LMO7: variants seen among roughly 807,000 people sequenced by gnomAD.
LMO7 encodes LIM domain only protein 7.
Under a neutral mutation model 206.5 loss-of-function variants are expected in LMO7, and 120 were observed. The ratio of observed to expected loss-of-function variants is 0.58; its 90% CI spans 0.50 to 0.68. The LOEUF is 0.68. LMO7 is among the 30% of genes least tolerant of loss of function. LMO7 has a pLI of 0.00. For synonymous variants in LMO7, 706 were observed against 681.5 expected, an observed-to-expected ratio of 1.04 and a Z score of -0.56; for missense variants, 1,959 against 1,957.9, an observed-to-expected ratio of 1.00 and a Z score of -0.01.
chr13:75,776,174 T>TATATATATATATATCTCGG (rs1555317308), intron 4 of LMO7, among the ~76,000 whole-genome samples: 1 of 59,952 alleles, frequency 1.7e-5, no homozygotes, highest in African/African-American at 8.6e-5. Flanking sequence ...TATATATATA[T>TATATATATATATATCTCGG]ATATATATAT....
At position 75,820,992 on chromosome 13, in the gene LMO7, G is replaced by A. The variant is rs372244312; in HGVS notation, c.2208-185G>A. On this transcript the variant is annotated intron_variant, in intron 13 of 30. Coordinates refer to ENST00000377534, the MANE Select transcript of LMO7 (RefSeq NM_001306080.2). ...CAGCCTGGACGACAGAGCGAGATTC[G>A]GTCTCAAAAAAAAAAAAAAAAAGAT... is the stretch of plus-strand genomic sequence containing the variant. 6.1e-5 allele frequency among the ~76,000 whole-genome samples: 7 copies of A among 115,006 alleles called. No individual in the cohort carries two copies. In the South Asian group the frequency reaches 9.5e-4, roughly 16 times the overall value. The allele number at this position is 115,006 out of a possible 152,430, so 75.4% of individuals were successfully genotyped here.
Position 75,853,369 on chromosome 13 carries a change from G to A in LMO7, c.4642G>A (p.Gly1548Ser), listed in dbSNP as rs775037319. 6.2e-7 allele frequency: 1 copy of A among 1,607,012 alleles called. No homozygotes were observed. Among genetic ancestry groups the A allele is most frequent in the Admixed American group, 1.7e-5 (1 of 59,264 alleles). The change falls in exon 28 of 31, where the codon GGC becomes AGC. Residue 1548 changes from glycine (G) to serine (S), a missense_variant. By Grantham distance (56) the Gly-to-Ser change is moderately conservative. Transcript: ENST00000377534. ...CCATTCCCCTTCAGCTTCACAGTCAGGCTCTCAGCTGCGTAACAGGTGAGG... is the reference window on the plus strand; with the variant it reads ...CCATTCCCCTTCAGCTTCACAGTCAAGCTCTCAGCTGCGTAACAGGTGAGG... ...RSHSPSASQS[G>S]SQLRNRSVSG...
Position 75,636,583 on chromosome 13 carries a change from T to G in LMO7, c.-75T>G. On this transcript the variant is annotated 5_prime_UTR_variant, in exon 1 of 31. Transcript: ENST00000377534. ...GAGGCCCGCGTGCCCTCCCCGCCCG[T>G]GGGGCCCAGACGCGCGGGGACAACC... 2 of 1,539,522 alleles carry G rather than the reference T, an allele frequency of 1.3e-6. No individual in the cohort carries two copies. Among genetic ancestry groups the G allele is most frequent in the Non-Finnish European group, 1.7e-6 (2 of 1,146,166 alleles).
intron 3 of LMO7, among the ~76,000 whole-genome samples, chr13:75,737,577 C>T (rs1450462367): frequency 3.4e-5 from 5 of 147,648 alleles, no homozygotes; most frequent in African/African-American, 1.2e-4. Flanking sequence ...CACGGTGAAA[C>T]CCCGTCTCTA....
At chr13:75,741,197 G>C (rs1370420006) in intron 3 of LMO7, among the ~76,000 whole-genome samples, 1 of 152,142 alleles carries the variant, frequency 6.6e-6, no homozygotes, top group Non-Finnish European at 1.5e-5. Flanking sequence ...GTGACATAAT[G>C]CTTCAAACAC....
At chr13:75,657,788 A>G (rs989854273) in intron 1 of LMO7, among the ~76,000 whole-genome samples, 8 of 152,196 alleles carry the variant, frequency 5.3e-5, no homozygotes, top group Admixed American at 3.3e-4. Flanking sequence ...TTATATTTAG[A>G]TGTTCCAAAT....
intron 1 of LMO7, among the ~76,000 whole-genome samples, chr13:75,695,686 C>G (rs1279387595): frequency 6.6e-6 from 1 of 152,144 alleles, no homozygotes; most frequent in Non-Finnish European, 1.5e-5. Context: ...ATGTTGTGGG[C>G]CCCAAAGCTA....
At chr13:75,739,034 C>T (rs1332675726) in intron 3 of LMO7, among the ~76,000 whole-genome samples, 3 of 152,178 alleles carry the variant, frequency 2.0e-5, no homozygotes, top group Non-Finnish European at 4.4e-5. Flanking sequence ...CACTAGATGC[C>T]ATTCCCCCAT....
intron 24 of LMO7, among the ~76,000 whole-genome samples, chr13:75,842,292 G>A (rs2059614362): frequency 6.6e-6 from 1 of 151,950 alleles, no homozygotes; most frequent in Non-Finnish European, 1.5e-5. Flanking sequence ...CAGCCCCATT[G>A]GCCTCCTGTT....
chr13:75,636,637 T>C lies in LMO7; in HGVS notation c.-21T>C, dbSNP rs1157236561. The C allele has an allele frequency of 5.7e-6, 9 of 1,576,498 alleles. No individual in the cohort carries two copies. In the Admixed American group the frequency reaches 7.3e-5, roughly 13 times the overall value. ...CCCCTCCACGCATCCCGAGTCTCTC[T>C]CTCCCTCCCTTGTCCTAGCCATGGA... On this transcript the variant is annotated 5_prime_UTR_variant, in exon 1 of 31. Coordinates refer to ENST00000377534, the MANE Select transcript of LMO7 (RefSeq NM_001306080.2).
upstream of LMO7, chr13:75,636,008 C>G (rs1343595449): frequency 6.5e-6 from 1 of 153,588 alleles, no homozygotes; most frequent in African/African-American, 2.4e-5. Flanking sequence ...CCGGGAGGGG[C>G]GCCGCTCTCA....
chr13:75,845,232 G>C (rs188915990), intron 25 of LMO7, 95 bp from the exon 26 acceptor site: 2 of 593,060 alleles, frequency 3.4e-6, no homozygotes, highest in East Asian at 6.8e-5. Flanking sequence ...TAAATCAACT[G>C]CTTTAAAAAG....
At chr13:75,795,610 C>T (rs668008) in intron 5 of LMO7, among the ~76,000 whole-genome samples, 179 bp downstream of exon 5, 92,187 of 152,088 alleles carry the variant, frequency 0.61, 29,026 homozygotes, top group East Asian at 0.92. Context: ...TATGGTTAGG[C>T]TGTTCAGCTC....
intron 3 of LMO7, among the ~76,000 whole-genome samples, chr13:75,744,402 A>G (rs1244994058): frequency 6.6e-6 from 1 of 152,256 alleles, no homozygotes; most frequent in Non-Finnish European, 1.5e-5. Flanking sequence ...GCCAAGTTTC[A>G]GCCTTAGGGC....
intron 1 of LMO7, among the ~76,000 whole-genome samples, chr13:75,705,362 G>T (rs771167975): frequency 1.3e-5 from 2 of 152,188 alleles, no homozygotes; most frequent in African/African-American, 2.4e-5. Flanking sequence ...TGTGAGATAG[G>T]TCCAGGATTA....
At chr13:75,712,306 C>T (rs2043186572) in intron 1 of LMO7, among the ~76,000 whole-genome samples, 1 of 152,168 alleles carries the variant, frequency 6.6e-6, no homozygotes, top group Non-Finnish European at 1.5e-5. Flanking sequence ...GCTGCATCTC[C>T]AGGACAGCTG....
intron 2 of LMO7, among the ~76,000 whole-genome samples, chr13:75,715,720 C>T (rs1285824709): frequency 6.6e-6 from 1 of 152,150 alleles, no homozygotes; most frequent in Non-Finnish European, 1.5e-5. Flanking sequence ...GAATAAAAAG[C>T]CCAGATAACC....
intron 1 of LMO7, among the ~76,000 whole-genome samples, chr13:75,700,489 T>C (rs1430771442): frequency 1.3e-5 from 2 of 152,272 alleles, no homozygotes; most frequent in Non-Finnish European, 2.9e-5. Flanking sequence ...CCTGACTTCC[T>C]GCAATACTGT....
chr13:75,752,699 A>G (rs1234585330), intron 3 of LMO7, among the ~76,000 whole-genome samples: 2 of 152,178 alleles, frequency 1.3e-5, no homozygotes, highest in African/African-American at 4.8e-5. Context: ...GTCTTTCTGC[A>G]TCTGAGTTGT....
Sources: gnomAD v4.1 joint callset for allele counts (sites outside exome capture counted in the v4.1 genomes callset) on GRCh38, gnomAD v4.1.1 for gene constraint, MANE v1.5 for transcripts, NCBI Gene and HGNC (gene_info 2026-07-23, HGNC 2026-07-21) for gene names.